Variants in KCNS2 observed in about 807,000 individuals in gnomAD.
KCNS2 encodes potassium voltage-gated channel modifier subfamily S member 2.
A neutral mutation model predicts 28.3 loss-of-function variants in KCNS2; 15 were observed. The observed-to-expected ratio is 0.53, with a 90% confidence interval of 0.35 to 0.82. The LOEUF is 0.82. KCNS2 is among the 40% of genes least tolerant of loss of function. The pLI is 0.01. For missense variants in KCNS2, 501 were observed against 617.1 expected (o/e 0.81, Z 1.99); for synonymous variants, 254 against 256.7 (o/e 0.99, Z 0.10).
rs551942052 is a variant in KCNS2 at position 98,427,781 on chromosome 8, C to T, written c.-42-157C>T. 1.8e-5 allele frequency: 10 copies of T among 558,738 alleles called. No homozygotes were observed. In the East Asian group the frequency reaches 2.3e-4, roughly 13 times the overall value. The allele number at this position is 558,738 out of a possible 1,614,324, so 34.6% of individuals were successfully genotyped here. Reference sequence around the variant, plus strand: ...AGAAACATACCCACCCCCAGCCTTTCCTGGGAGGGGATCAGACCCCTCAAA... The same window carrying T: ...AGAAACATACCCACCCCCAGCCTTTTCTGGGAGGGGATCAGACCCCTCAAA... On this transcript the variant is annotated intron_variant, in intron 1 of 1. Coordinates refer to ENST00000287042, the MANE Select transcript of KCNS2 (RefSeq NM_020697.4).
chr8:98,429,127 G>A lies in KCNS2; in HGVS notation c.1148G>A (p.Gly383Glu). ...TTVGYGDVVP[G>E]TTAGKLTASA... ...GTGGGGTACGGGGATGTGGTCCCAGGGACCACGGCAGGAAAGCTGACTGCC... is the reference window on the plus strand; with the variant it reads ...GTGGGGTACGGGGATGTGGTCCCAGAGACCACGGCAGGAAAGCTGACTGCC... The change falls in exon 2 of 2, where the codon GGG (glycine) becomes GAG (glutamate). Residue 383 changes from glycine to glutamate, a missense_variant. Gly to Glu is a moderately conservative substitution (Grantham distance 98). Coordinates refer to ENST00000287042, the MANE Select transcript of KCNS2 (RefSeq NM_020697.4). The A allele has an allele frequency of 6.2e-7, 1 of 1,613,260 alleles. No homozygotes were observed. Among genetic ancestry groups the A allele is most frequent in the Non-Finnish European group, 8.5e-7 (1 of 1,179,370 alleles).
In KCNS2 at chr8:98,428,012, G is replaced by A; in HGVS notation, c.33G>A (p.Glu11=). ...GCCAGAGCCTGTGGGACGTGTCGGA[G>A]GCTAACGTCGAGGACGGGGAGATCC... MTGQSLWDVS[E]ANVEDGEIRI... is the part of the protein sequence containing the mutation. The change falls in exon 2 of 2, where the codon GAG becomes GAA. Residue 11 remains glutamate, a synonymous_variant. Coordinates refer to ENST00000287042, the MANE Select transcript of KCNS2 (RefSeq NM_020697.4). The surrounding 1 kb of genome is among the most constrained non-coding windows in gnomAD (Gnocchi z 6.7). 2.5e-6 allele frequency: 4 copies of A among 1,590,476 alleles called. No homozygotes were observed. The highest frequency in any genetic ancestry group is 3.4e-6 in the Non-Finnish European group (4 of 1,167,648).
In KCNS2 at chr8:98,428,570, G is replaced by A; in HGVS notation, c.591G>A (p.Val197=). Reference sequence around the variant, plus strand: ...TCAGCATCCTGTCCATCCTGGTGGTGATGGGGTCCATCATCACCATGTGCC... The same window carrying A: ...TCAGCATCCTGTCCATCCTGGTGGTAATGGGGTCCATCATCACCATGTGCC... ...RVFSILSILV[V]MGSIITMCLN... The change falls in exon 2 of 2, where the codon GTG becomes GTA. Residue 197 remains valine, a synonymous_variant. Transcript: ENST00000287042. This position sits in a 1 kb window ranked among gnomAD's most constrained non-coding sequence, Gnocchi z 6.7. 6.2e-7 allele frequency: 1 copy of A among 1,614,194 alleles called. No homozygotes were observed. The highest frequency in any genetic ancestry group is 8.5e-7 in the Non-Finnish European group (1 of 1,180,040).
intron 1 of KCNS2, 67 bp from the exon 2 acceptor site, chr8:98,427,870 TG>T: frequency 1.2e-6 from 1 of 859,044 alleles, no homozygotes; most frequent in Non-Finnish European, 1.8e-6. Context: ...CCGCCAGTAA[TG>T]GGTAGGGAGA....
chr8:98,429,288 A>AAGG lies in KCNS2; in HGVS notation c.1313_1315dup (p.Glu438dup). On this transcript the variant is annotated inframe_insertion, in exon 2 of 2. Transcript: ENST00000287042. ...CAGCTGTGACTTTGGAGATGGAATG[A>AAGG]AGGAGGTCCCTTCGGTCAATTTAAG... 6.2e-7 allele frequency: 1 copy of AAGG among 1,614,110 alleles called. No homozygotes were observed. Among genetic ancestry groups the AAGG allele is most frequent in the Non-Finnish European group, 8.5e-7 (1 of 1,180,014 alleles).
At position 98,427,182 on chromosome 8, in the gene KCNS2, C is replaced by T. The variant is rs1377238230; in HGVS notation, c.-190C>T. 2.7e-5 allele frequency: 4 copies of T among 149,326 alleles called. No homozygotes were observed. Among genetic ancestry groups the T allele is most frequent in the African/African-American group, 5.0e-5 (2 of 40,312 alleles). The allele number at this position is 149,326 out of a possible 1,614,324, so 9.3% of individuals were successfully genotyped here. Reference sequence around the variant, plus strand: ...ACCCGGCCCGAGACGGGAGGAGACGCTCGGCGGCCCCCGCCCGCCGGCCCG... The same window carrying T: ...ACCCGGCCCGAGACGGGAGGAGACGTTCGGCGGCCCCCGCCCGCCGGCCCG... On this transcript the variant is annotated 5_prime_UTR_variant, in exon 1 of 2. Coordinates refer to ENST00000287042, the MANE Select transcript of KCNS2 (RefSeq NM_020697.4).
chr8:98,428,028 G>C lies in KCNS2; in HGVS notation c.49G>C (p.Gly17Arg), dbSNP rs144362730. The change falls in exon 2 of 2, where the codon GGG becomes CGG. Residue 17 changes from glycine (G) to arginine (R), a missense_variant. Transcript: ENST00000287042. This position sits in a 1 kb window ranked among gnomAD's most constrained non-coding sequence, Gnocchi z 6.7. Reference sequence around the variant, plus strand: ...CGTGTCGGAGGCTAACGTCGAGGACGGGGAGATCCGCATCAATGTGGGCGG... The same window carrying C: ...CGTGTCGGAGGCTAACGTCGAGGACCGGGAGATCCGCATCAATGTGGGCGG... ...WDVSEANVEDGEIRINVGGFK... is the reference protein window; with the variant it reads ...WDVSEANVEDREIRINVGGFK... The C allele has an allele frequency of 8.5e-5, 137 of 1,605,084 alleles. 1 individual carries two copies. Among genetic ancestry groups the C allele is most frequent in the South Asian group, 2.0e-4 (18 of 90,068 alleles).
chr8:98,427,842 C>G, intron 1 of KCNS2, 96 bp from the exon 2 acceptor site: 1 of 676,776 alleles, frequency 1.5e-6, no homozygotes, highest in East Asian at 2.7e-5. Flanking sequence ...CACCCAAGAC[C>G]CACCAGGAGG....
chr8:98,430,361 T>A lies in KCNS2; in HGVS notation c.*948T>A, dbSNP rs912730083. 6.0e-6 allele frequency: 1 copy of A among 167,088 alleles called. No individual in the cohort carries two copies. The highest frequency in any genetic ancestry group is 2.4e-5 in the African/African-American group (1 of 41,444). The allele number at this position is 167,088 out of a possible 1,614,324, so 10.4% of individuals were successfully genotyped here. A position where few individuals can be genotyped will look rare whatever the true frequency, so the allele number is the denominator to read the frequency against. Reference sequence around the variant, plus strand: ...GCATGTTTTTGAAATATTTATTTTTTAAGATGTTTAGGAGTAAGGTCGTGT... The same window carrying A: ...GCATGTTTTTGAAATATTTATTTTTAAAGATGTTTAGGAGTAAGGTCGTGT... On this transcript the variant is annotated 3_prime_UTR_variant, in exon 2 of 2. Transcript: ENST00000287042.
Position 98,428,373 on chromosome 8 carries a change from CAGG to C in KCNS2, c.397_399del (p.Glu133del), listed in dbSNP as rs775066918. On this transcript the variant is annotated inframe_deletion, in exon 2 of 2. Coordinates refer to ENST00000287042, the MANE Select transcript of KCNS2 (RefSeq NM_020697.4). The surrounding 1 kb of genome is among the most constrained non-coding windows in gnomAD (Gnocchi z 6.7). The stretch of plus-strand genomic sequence containing the variant: ...CCATGGCCGCAAAGTAGAGCCCGAG[CAGG>C]AGAAGTGGGACGAGCAGAGTGACCA... 7.4e-6 allele frequency: 12 copies of C among 1,614,062 alleles called. No homozygotes were observed. Among genetic ancestry groups the C allele is most frequent in the South Asian group, 3.3e-5 (3 of 91,082 alleles).
Position 98,429,111 on chromosome 8 carries a change from G to C in KCNS2, c.1132G>C (p.Gly378Arg), listed in dbSNP as rs374343304. Residue 378 changes from glycine (G) to arginine (R), a missense_variant, in exon 2 of 2, where the codon GGG becomes CGG. Physicochemically the swap from Gly to Arg is moderately radical, Grantham distance 125. Transcript: ENST00000287042. ...ATVSMTTVGY[G>R]DVVPGTTAGK... Reference sequence around the variant, plus strand: ...CGTCAGTATGACCACAGTGGGGTACGGGGATGTGGTCCCAGGGACCACGGC... The same window carrying C: ...CGTCAGTATGACCACAGTGGGGTACCGGGATGTGGTCCCAGGGACCACGGC... The C allele has an allele frequency of 6.2e-7, 1 of 1,613,460 alleles. No homozygotes were observed. Among genetic ancestry groups the C allele is most frequent in the Non-Finnish European group, 8.5e-7 (1 of 1,179,526 alleles).
At position 98,427,964 on chromosome 8, in the gene KCNS2, G is replaced by A. The variant is rs958612073; in HGVS notation, c.-16G>A. The A allele has an allele frequency of 6.7e-7, 1 of 1,487,032 alleles. No individual in the cohort carries two copies. The highest frequency in any genetic ancestry group is 9.0e-7 in the Non-Finnish European group (1 of 1,115,398). The allele number at this position is 1,487,032 out of a possible 1,614,324, so 92.1% of individuals were successfully genotyped here. A position where few individuals can be genotyped will look rare whatever the true frequency, so the allele number is the denominator to read the frequency against. Reference sequence around the variant, plus strand: ...TGTAGCGCCCCCGCGCGGCGCGGGCGGCCGGCGCCTCCAGCATGACCGGCC... The same window carrying A: ...TGTAGCGCCCCCGCGCGGCGCGGGCAGCCGGCGCCTCCAGCATGACCGGCC... On this transcript the variant is annotated 5_prime_UTR_variant, in exon 2 of 2. Transcript: ENST00000287042.
chr8:98,428,651 C>T lies in KCNS2; in HGVS notation c.672C>T (p.Asp224=), dbSNP rs957441373. 1.2e-6 allele frequency: 2 copies of T among 1,614,068 alleles called. No homozygotes were observed. Among genetic ancestry groups the T allele is most frequent in the African/African-American group, 2.7e-5 (2 of 74,914 alleles). Residue 224 remains aspartate, a synonymous_variant, in exon 2 of 2, where the codon GAC becomes GAT. Transcript: ENST00000287042. The surrounding 1 kb of genome is among the most constrained non-coding windows in gnomAD (Gnocchi z 6.7). ...ACAGCCAGGGCAACCCTGGCGAGGA[C>T]CCTAGGTTCGAAATCGTGGAGCACT... ...IPDSQGNPGE[D]PRFEIVEHFG... is the part of the protein sequence containing the mutation.
Position 98,429,541 on chromosome 8 carries a change from T to TAA in KCNS2, c.*129_*130insAA, listed in dbSNP as rs1475482895. The TAA allele has an allele frequency of 3.0e-5, 20 of 661,160 alleles. No homozygotes were observed. The highest frequency in any genetic ancestry group is 4.2e-4 in the Middle Eastern group (1 of 2,400). 41.0% of individuals were successfully genotyped at this position (661,160 alleles called of 1,614,324 possible). A position where few individuals can be genotyped will look rare whatever the true frequency, so the allele number is the denominator to read the frequency against. The stretch of plus-strand genomic sequence containing the variant: ...CCCCTGAGGGGAGAGATGCATGGGA[T>TAA]ATGCACCCAGGTTTCTTTTACAGTT... On this transcript the variant is annotated 3_prime_UTR_variant, in exon 2 of 2. Transcript: ENST00000287042.
Position 98,428,856 on chromosome 8 carries a change from G to T in KCNS2, c.877G>T (p.Val293Leu), listed in dbSNP as rs909380214. Residue 293 changes from valine (V) to leucine (L), a missense_variant, in exon 2 of 2, where the codon GTG (valine) becomes TTG (leucine). Coordinates refer to ENST00000287042, the MANE Select transcript of KCNS2 (RefSeq NM_020697.4). This position sits in a 1 kb window ranked among gnomAD's most constrained non-coding sequence, Gnocchi z 6.7. The part of the protein sequence containing the change: ...STPTLANLGR[V>L]AQVLRLMRIF... ...ACCTACTTTAGCCAACTTGGGCAGG[G>T]TGGCCCAGGTCCTGAGGCTGATGCG... The T allele has an allele frequency of 6.2e-7, 1 of 1,614,188 alleles. No individual in the cohort carries two copies. Among genetic ancestry groups the T allele is most frequent in the South Asian group, 1.1e-5 (1 of 91,078 alleles).
Position 98,428,459 on chromosome 8 carries a change from G to A in KCNS2, c.480G>A (p.Lys160=). The A allele has an allele frequency of 6.2e-7, 1 of 1,614,166 alleles. No homozygotes were observed. Among genetic ancestry groups the A allele is most frequent in the Non-Finnish European group, 8.5e-7 (1 of 1,180,038 alleles). Residue 160 remains lysine (K), a synonymous_variant, in exon 2 of 2, where the codon AAG becomes AAA. Transcript: ENST00000287042. This position sits in a 1 kb window ranked among gnomAD's most constrained non-coding sequence, Gnocchi z 6.7. The stretch of plus-strand genomic sequence containing the variant: ...TTGCCTTCTACAACGACGCCTCCAA[G>A]TTCGATGGGCAGCCCCTCGGCAACT... ...EILAFYNDAS[K]FDGQPLGNFR...
At position 98,429,332 on chromosome 8, in the gene KCNS2, A is replaced by C. The variant is rs781686718; in HGVS notation, c.1353A>C (p.Lys451Asn). 1.9e-6 allele frequency: 3 copies of C among 1,614,076 alleles called. No individual in the cohort carries two copies. The highest frequency in any genetic ancestry group is 2.2e-5 in the South Asian group (2 of 91,090). Residue 451 changes from lysine (K) to asparagine (N), a missense_variant, in exon 2 of 2, where the codon AAA (lysine) becomes AAC (asparagine). Physicochemically the swap from Lys to Asn is moderately conservative, Grantham distance 94 (BLOSUM62 0). Coordinates refer to ENST00000287042, the MANE Select transcript of KCNS2 (RefSeq NM_020697.4). ...ATTTAAGGGACTATTATGCCCATAA[A>C]GTTAAATCCCTTATGGCAAGCCTGA... ...SVNLRDYYAH[K>N]VKSLMASLTN...
rs771296234 is a variant in KCNS2 at position 98,430,544 on chromosome 8, A to T, written c.*1131A>T. On this transcript the variant is annotated 3_prime_UTR_variant, in exon 2 of 2. Coordinates refer to ENST00000287042, the MANE Select transcript of KCNS2 (RefSeq NM_020697.4). ...TTATTTCCAAGCAGAATTTAGTCAG[A>T]TAATTTTGCTTCTAGGATATAGTAT... 3 of 167,050 alleles carry T rather than the reference A, an allele frequency of 1.8e-5. No homozygotes were observed. The highest frequency in any genetic ancestry group is 4.4e-5 in the Non-Finnish European group (3 of 68,118). The allele number at this position is 167,050 out of a possible 1,614,324, so 10.3% of individuals were successfully genotyped here.
chr8:98,428,852 C>T lies in KCNS2; in HGVS notation c.873C>T (p.Gly291=), dbSNP rs752988916. The T allele has an allele frequency of 1.9e-6, 3 of 1,614,186 alleles. No individual in the cohort carries two copies. The highest frequency in any genetic ancestry group is 2.2e-5 in the South Asian group (2 of 91,084). The change falls in exon 2 of 2, where the codon GGC becomes GGT. Residue 291 remains glycine (G), a synonymous_variant. Transcript: ENST00000287042. The surrounding 1 kb of genome is among the most constrained non-coding windows in gnomAD (Gnocchi z 6.7). The stretch of plus-strand genomic sequence containing the variant: ...GCACACCTACTTTAGCCAACTTGGG[C>T]AGGGTGGCCCAGGTCCTGAGGCTGA... ...VESTPTLANL[G]RVAQVLRLMR...
Sources: allele counts gnomAD v4.1 joint callset, GRCh38; gene constraint gnomAD v4.1.1; non-coding constraint Gnocchi (gnomAD v3.1); transcripts MANE v1.5; gene names NCBI Gene and HGNC (gene_info 2026-07-23, HGNC 2026-07-21).